BRD8: variants seen among roughly 807,000 people sequenced by gnomAD.
The protein encoded by BRD8 is bromodomain-containing protein 8.
BRD8 carries 67 observed loss-of-function variants against 143.1 expected under a neutral mutation model. The observed-to-expected ratio is 0.47, with a 90% CI of 0.38 to 0.57. The LOEUF (loss-of-function observed/expected upper bound fraction) is 0.57. BRD8 is among the 20% of genes least tolerant of loss of function. BRD8 has a pLI of 0.00. For missense variants in BRD8, 1,103 were observed against 1,503.0 expected (o/e 0.73, Z 4.40); for synonymous variants, 505 against 517.1 (o/e 0.98, Z 0.32).
chr5:138,153,005 A>G (rs966229755), intron 20 of BRD8, among the ~76,000 whole-genome samples: 1 of 152,252 alleles, frequency 6.6e-6, no homozygotes, highest in African/African-American at 2.4e-5. Context: ...ACAGTATAAT[A>G]GAGACATTAA....
intron 10 of BRD8, 115 bp from the exon 11 acceptor site, chr5:138,166,223 A>G: frequency 1.3e-6 from 1 of 763,684 alleles, no homozygotes; most frequent in East Asian, 2.5e-5. Context: ...TAAGGTCAGA[A>G]AGAGTCATCA....
At chr5:138,160,315 T>G in intron 18 of BRD8, 142 bp from the exon 19 acceptor site, 1 of 627,678 alleles carries the variant, frequency 1.6e-6, no homozygotes, top group Non-Finnish European at 2.8e-6. Context: ...GTTTAGCATA[T>G]TAAGTTTTAA....
At position 138,162,164 on chromosome 5, in the gene BRD8, C is replaced by T. The variant is rs765803087; in HGVS notation, c.2088-18G>A. The T allele has an allele frequency of 6.5e-7, 1 of 1,549,212 alleles. No individual in the cohort carries two copies. The highest frequency in any genetic ancestry group is 8.8e-7 in the Non-Finnish European group (1 of 1,137,270). On this transcript the variant is annotated intron_variant, in intron 15 of 26. Transcript: ENST00000254900. The stretch of plus-strand genomic sequence containing the variant: ...AGACAGAGCTGAAACAGAGATACAG[C>T]AATTCCACTAGGCACAAGTTAAAAA...
intron 15 of BRD8, among the ~76,000 whole-genome samples, chr5:138,162,910 A>T (rs1427909261): frequency 3.9e-5 from 6 of 151,972 alleles, no homozygotes; most frequent in Non-Finnish European, 7.4e-5. Context: ...CTGAGGTGGA[A>T]GGATTGCTTG....
At chr5:138,166,880 T>C in intron 9 of BRD8, 153 bp from the exon 10 acceptor site, 1 of 604,762 alleles carries the variant, frequency 1.7e-6, no homozygotes, top group South Asian at 1.9e-5. Context: ...ATATCCTTAC[T>C]CTAACCTTAC....
chr5:138,142,957 A>G (rs1027529012), intron 25 of BRD8, among the ~76,000 whole-genome samples: 5 of 151,846 alleles, frequency 3.3e-5, no homozygotes, highest in African/African-American at 1.2e-4. Flanking sequence ...AAAGTTATTA[A>G]TAACATTTCA....
chr5:138,153,018 T>C (rs1752431203), intron 20 of BRD8, among the ~76,000 whole-genome samples: 1 of 152,152 alleles, frequency 6.6e-6, no homozygotes, highest in Non-Finnish European at 1.5e-5. Context: ...GACATTAATA[T>C]TACCTAATAA....
At chr5:138,161,214 A>C in intron 17 of BRD8, 146 bp from the exon 18 acceptor site, 1 of 574,454 alleles carries the variant, frequency 1.7e-6, no homozygotes, top group East Asian at 3.0e-5. Flanking sequence ...ATCCCAAAAC[A>C]TGCACTTAAC....
At chr5:138,155,147 TTGAG>T (rs76691513) in intron 20 of BRD8, among the ~76,000 whole-genome samples, 43,377 of 151,382 alleles carry the variant, frequency 0.29, 7,248 homozygotes, top group South Asian at 0.42. Context: ...CATTTCACTA[TTGAG>T]TTTTAAAAAT....
chr5:138,149,498 A>G (rs1247915066), intron 23 of BRD8, 142 bp downstream of exon 23: 2 of 668,576 alleles, frequency 3.0e-6, no homozygotes, highest in African/African-American at 1.8e-5. Flanking sequence ...ATATGATGTT[A>G]AAATTATACT....
chr5:138,157,322 C>T (rs535341507), intron 20 of BRD8: 177 of 1,607,020 alleles, frequency 1.1e-4, no homozygotes, highest in Non-Finnish European at 1.3e-4. Flanking sequence ...AGACAAGAGA[C>T]GGTGCAACAG....
intron 25 of BRD8, among the ~76,000 whole-genome samples, chr5:138,144,920 T>TA (rs1372298802): frequency 1.7e-5 from 2 of 114,994 alleles, no homozygotes; most frequent in Non-Finnish European, 3.6e-5. Context: ...AAAAAAAAAA[T>TA]ATATATATAT....
rs115596587 is a variant in BRD8, at chr5:138,145,531, T to C, written c.3368+258A>G. Among the ~76,000 whole-genome samples, 2,679 of 152,302 alleles carry C rather than the reference T, an allele frequency of 0.018. 53 individuals carry two copies. The highest frequency in any genetic ancestry group is 0.051 in the African/African-American group (2,125 of 41,554). On this transcript the variant is annotated intron_variant, in intron 24 of 26. Transcript: ENST00000254900. Reference sequence around the variant, plus strand: ...GAATCCACCAGATTGAAAAGAAGAATATACATTTTAAATATAAATTTTATC... The same window carrying C: ...GAATCCACCAGATTGAAAAGAAGAACATACATTTTAAATATAAATTTTATC...
chr5:138,158,766 TG>T (rs1184629248), intron 20 of BRD8, among the ~76,000 whole-genome samples: 1 of 149,468 alleles, frequency 6.7e-6, no homozygotes, highest in African/African-American at 2.5e-5. Context: ...TTACTGAGAT[TG>T]TTTTTTTTTT....
At chr5:138,149,236 G>A (rs569663775) in intron 23 of BRD8, among the ~76,000 whole-genome samples, 33 of 151,906 alleles carry the variant, frequency 2.2e-4, no homozygotes, top group African/African-American at 7.0e-4. Flanking sequence ...CTCAGCTTCC[G>A]GAGTACCTGA....
At chr5:138,166,166 T>C (rs770014856) in intron 10 of BRD8, 58 bp from the exon 11 acceptor site, 17 of 1,240,768 alleles carry the variant, frequency 1.4e-5, no homozygotes, top group East Asian at 1.2e-4. Context: ...AGCGACCACC[T>C]TGAGATCACA....
chr5:138,163,956 T>C (rs943699586), intron 14 of BRD8, 131 bp downstream of exon 14: 14 of 1,112,472 alleles, frequency 1.3e-5, no homozygotes, highest in Middle Eastern at 5.1e-4. Context: ...TACTGCAGCT[T>C]TTCCCCATGC....
intron 2 of BRD8, chr5:138,172,808 C>T (rs1175183606): frequency 1.4e-5 from 6 of 413,994 alleles, no homozygotes; most frequent in Non-Finnish European, 2.8e-5. Context: ...GAGCCCAAAT[C>T]GCGCCACTGC....
intron 25 of BRD8, among the ~76,000 whole-genome samples, chr5:138,143,028 T>C (rs1400900729): frequency 6.6e-6 from 1 of 152,168 alleles, no homozygotes; most frequent in Non-Finnish European, 1.5e-5. Flanking sequence ...CTCACACCTG[T>C]AATCCCAGCA....
Sources: allele counts gnomAD v4.1 joint callset (sites outside exome capture counted in the v4.1 genomes callset), GRCh38; gene constraint gnomAD v4.1.1; transcripts MANE v1.5; gene names NCBI Gene and HGNC (gene_info 2026-07-23, HGNC 2026-07-21).